RMC1: variants seen among roughly 807,000 people sequenced by gnomAD.
RMC1 encodes the protein regulator of MON1-CCZ1, also known as regulator of MON1-CCZ1 complex.
Under a neutral mutation model 95.5 loss-of-function variants are expected in RMC1, and 44 were observed. That is an observed-to-expected ratio of 0.46 (90% CI 0.36 to 0.59). The LOEUF (loss-of-function observed/expected upper bound fraction) is 0.59, where lower values mean the gene tolerates loss of function less well. Among genes scored for constraint, RMC1 ranks in the 20% least tolerant of loss-of-function variants. RMC1 has a pLI of 0.00. For synonymous variants in RMC1, 320 were observed against 303.6 expected, an observed-to-expected ratio of 1.05 and a Z score of -0.56; for missense variants, 705 against 819.6, an observed-to-expected ratio of 0.86 and a Z score of 1.71.
At chr18:23,519,041 G>A (rs1207454039) in intron 8 of RMC1, 28 bp from the exon 9 acceptor site, 3 of 1,612,982 alleles carry the variant, frequency 1.9e-6, no homozygotes, top group Non-Finnish European at 2.5e-6. Flanking sequence ...GCAGCTTGTT[G>A]ATCTGTTTTT....
chr18:23,503,546 C>A lies in RMC1; in HGVS notation c.-73C>A, dbSNP rs1003570873. On this transcript the variant is annotated 5_prime_UTR_variant, in exon 1 of 20. Coordinates refer to ENST00000269221, the MANE Select transcript of RMC1 (RefSeq NM_013326.5). Reference sequence around the variant, plus strand: ...CCGCAGCCGCCGCTACAGTCCGGGCCGGGCTCCACCGCGCATCCTGCTCCA... The same window carrying A: ...CCGCAGCCGCCGCTACAGTCCGGGCAGGGCTCCACCGCGCATCCTGCTCCA... 7.7e-5 allele frequency: 86 copies of A among 1,120,082 alleles called. No individual in the cohort carries two copies. The highest frequency in any genetic ancestry group is 1.0e-4 in the Non-Finnish European group (84 of 825,444). 69.4% of individuals were successfully genotyped at this position (1,120,082 alleles called of 1,614,324 possible).
Position 23,504,454 on chromosome 18 carries a change from G to A in RMC1, c.179+7G>A, listed in dbSNP as rs181261328. 14 of 1,598,176 alleles carry A rather than the reference G, an allele frequency of 8.8e-6. No individual in the cohort carries two copies. Among genetic ancestry groups the A allele is most frequent in the Non-Finnish European group, 1.2e-5 (14 of 1,165,474 alleles). On this transcript the variant is annotated splice_region_variant and intron_variant, in intron 2 of 19. Coordinates refer to ENST00000269221, the MANE Select transcript of RMC1 (RefSeq NM_013326.5). ...GGAATCCCATCTCATTTAGGTAATG[G>A]TATAGACACTTTCAGATCATTTTGT... is the stretch of plus-strand genomic sequence containing the variant.
chr18:23,513,772 G>T (rs1187698662), intron 5 of RMC1, among the ~76,000 whole-genome samples: 1 of 152,156 alleles, frequency 6.6e-6, no homozygotes, highest in African/African-American at 2.4e-5. Context: ...GCTCTTTGTT[G>T]ATTAGTGATG....
At chr18:23,503,759 C>A in intron 1 of RMC1, 39 bp downstream of exon 1, 1 of 1,559,212 alleles carries the variant, frequency 6.4e-7, no homozygotes. Flanking sequence ...CGCGGCCCTG[C>A]CGGGGTCGTG....
At position 23,527,844 on chromosome 18, in the gene RMC1, T is replaced by G; in HGVS notation, c.1239T>G (p.Phe413Leu). 1 of 1,614,144 alleles carries G rather than the reference T, an allele frequency of 6.2e-7. No homozygotes were observed. The highest frequency in any genetic ancestry group is 8.5e-7 in the Non-Finnish European group (1 of 1,180,018). The part of the protein sequence containing the change: ...RASLPVIATV[F>L]DKLNHEYKKY... ...CGCTGCCCGTGATAGCCACTGTTTT[T>G]GATAAACTCAACCATGAGTATAAAA... is the stretch of plus-strand genomic sequence containing the variant. The change falls in exon 14 of 20, where the codon TTT becomes TTG. Residue 413 changes from phenylalanine to leucine, a missense_variant. Phe to Leu is a conservative substitution (Grantham distance 22). Coordinates refer to ENST00000269221, the MANE Select transcript of RMC1 (RefSeq NM_013326.5).
rs144364499 is a variant in RMC1 at position 23,531,515 on chromosome 18, T to C, written c.1895-110T>C. The C allele has an allele frequency of 1.1e-4, 167 of 1,507,580 alleles. 1 individual carries two copies. The East Asian group carries it at 3.7e-3, about 33-fold the overall frequency. 93.4% of individuals were successfully genotyped at this position (1,507,580 alleles called of 1,614,324 possible). Reference sequence around the variant, plus strand: ...CCCCAAAACTTAGGAAAACAATGTATTTTATTAAAGAAAAATAAGTTAAAA... The same window carrying C: ...CCCCAAAACTTAGGAAAACAATGTACTTTATTAAAGAAAAATAAGTTAAAA... On this transcript the variant is annotated intron_variant, in intron 19 of 19. Transcript: ENST00000269221.
chr18:23,507,100 C>A, intron 3 of RMC1, 46 bp downstream of exon 3: 2 of 1,343,248 alleles, frequency 1.5e-6, no homozygotes, highest in Non-Finnish European at 2.1e-6. Flanking sequence ...ATTAGAAATA[C>A]ATTTGGAAGA....
Position 23,520,232 on chromosome 18 carries a change from G to A in RMC1, c.880G>A (p.Gly294Arg), listed in dbSNP as rs772053520. ...TSVIFDIKLR[G>R]EFDGSVTFHH... ...GGTAATATTCGATATCAAGTTACGG[G>A]GAGAGTTTGACGGCTCCGTTACCTT... Residue 294 changes from glycine to arginine, a missense_variant, in exon 10 of 20, where the codon GGA (glycine) becomes AGA (arginine). Transcript: ENST00000269221. 7 of 1,614,096 alleles carry A rather than the reference G, an allele frequency of 4.3e-6. No homozygotes were observed. In the South Asian group the frequency reaches 7.7e-5, roughly 18 times the overall value.
chr18:23,523,656 G>C (rs1370164159), intron 10 of RMC1, among the ~76,000 whole-genome samples: 2 of 151,256 alleles, frequency 1.3e-5, no homozygotes, highest in African/African-American at 4.9e-5. Flanking sequence ...CAAGGAGTTC[G>C]TGGTTATAGT....
In RMC1 at chr18:23,531,794, G is replaced by A. The variant is rs760656833; in HGVS notation, c.*90G>A. The A allele has an allele frequency of 1.7e-5, 26 of 1,541,530 alleles. No homozygotes were observed. The highest frequency in any genetic ancestry group is 4.2e-5 in the African/African-American group (3 of 71,506). ...TTTAAACTATAAAATGTTATAAAGT[G>A]TATCTACAACCTCAACTGTCACTAA... On this transcript the variant is annotated 3_prime_UTR_variant, in exon 20 of 20. Coordinates refer to ENST00000269221, the MANE Select transcript of RMC1 (RefSeq NM_013326.5).
chr18:23,523,249 A>T (rs529543625), intron 10 of RMC1, among the ~76,000 whole-genome samples: 12 of 152,208 alleles, frequency 7.9e-5, no homozygotes, highest in African/African-American at 2.9e-4. Context: ...GGGTAATTGG[A>T]ACAGAACCAG....
At chr18:23,515,793 A>C in intron 5 of RMC1, 63 bp from the exon 6 acceptor site, 1 of 1,603,608 alleles carries the variant, frequency 6.2e-7, no homozygotes, top group Non-Finnish European at 8.5e-7. Context: ...TTAGCCTCCC[A>C]AAGTGCTGGG....
At chr18:23,527,748 TGAC>T in intron 13 of RMC1, 44 bp from the exon 14 acceptor site, 1 of 1,466,462 alleles carries the variant, frequency 6.8e-7, no homozygotes, top group Non-Finnish European at 9.6e-7. Flanking sequence ...ATTCTGAAGC[TGAC>T]ATGAAGTTGG....
rs986556734 is a variant in RMC1, at chr18:23,519,058, C to G, written c.744-11C>G. ...AGCTTGTTGATCTGTTTTTTGCTTT[C>G]TATCCTACAGAGAAGGTGCCTGTAA... On this transcript the variant is annotated splice_polypyrimidine_tract_variant and intron_variant, in intron 8 of 19. Transcript: ENST00000269221. 3 of 1,613,366 alleles carry G rather than the reference C, an allele frequency of 1.9e-6. No homozygotes were observed. The African/African-American group carries it at 4.0e-5, about 22-fold the overall frequency.
intron 5 of RMC1, among the ~76,000 whole-genome samples, chr18:23,510,731 A>G (rs1483375636): frequency 6.6e-6 from 1 of 152,268 alleles, no homozygotes; most frequent in Non-Finnish European, 1.5e-5. Flanking sequence ...AAAGAGCTCA[A>G]CATCACTGAT....
chr18:23,528,884 C>T, intron 14 of RMC1: 2 of 253,348 alleles, frequency 7.9e-6, no homozygotes, highest in Non-Finnish European at 1.5e-5. Context: ...ATCTGAACTG[C>T]TTTTTTTTTT....
Position 23,530,555 on chromosome 18 carries a change from T to C in RMC1, c.1837T>C (p.Phe613Leu). The C allele has an allele frequency of 2.5e-6, 4 of 1,614,240 alleles. No homozygotes were observed. Among genetic ancestry groups the C allele is most frequent in the Non-Finnish European group, 2.5e-6 (3 of 1,180,022 alleles). The change falls in exon 19 of 20, where the codon TTC becomes CTC. Residue 613 changes from phenylalanine to leucine, a missense_variant. Phe to Leu is a conservative substitution (Grantham distance 22). Transcript: ENST00000269221. ...AGACAACATGCTTTTCTATACAATA[T>C]TCCGCTTTTTTGAACAGCGAAACCA... The part of the protein sequence containing the change: ...TEDNMLFYTI[F>L]RFFEQRNQRL...
intron 10 of RMC1, among the ~76,000 whole-genome samples, chr18:23,522,122 T>C (rs2058158604): frequency 6.6e-6 from 1 of 152,280 alleles, no homozygotes; most frequent in South Asian, 2.1e-4. Flanking sequence ...TCAGCCTGAC[T>C]GCCCTGTCTT....
Position 23,526,568 on chromosome 18 carries a change from G to A in RMC1, c.1061-69G>A. 10 of 1,575,052 alleles carry A rather than the reference G, an allele frequency of 6.3e-6. No homozygotes were observed. In the South Asian group the frequency reaches 1.2e-4, roughly 18 times the overall value. On this transcript the variant is annotated intron_variant, in intron 12 of 19. Transcript: ENST00000269221. ...TGCCACCCGCCCCGCAGATGTTTAG[G>A]GGAACCACTTTTGGGCTTTTGTTAC...
Sources: gnomAD v4.1 joint callset for allele counts (sites outside exome capture counted in the v4.1 genomes callset) on GRCh38, gnomAD v4.1.1 for gene constraint, MANE v1.5 for transcripts, NCBI Gene and HGNC (gene_info 2026-07-23, HGNC 2026-07-21) for gene names.